Variants in ZNF318 observed in about 807,000 individuals in gnomAD.
The protein encoded by ZNF318 is endocrine regulator.
In ZNF318, 51 loss-of-function variants were observed where a neutral mutation model predicts 124.2. The ratio of observed to expected loss-of-function variants is 0.41; its 90% CI spans 0.33 to 0.52. The LOEUF (loss-of-function observed/expected upper bound fraction) is 0.52. Ranked by LOEUF, ZNF318 falls within the 20% of genes least tolerant of loss-of-function variation. The pLI is 0.23. For missense variants in ZNF318, 2,815 were observed against 2,811.2 expected, an observed-to-expected ratio of 1.00 and a Z score of -0.03; for synonymous variants, 1,090 against 1,040.7, an observed-to-expected ratio of 1.05 and a Z score of -0.91.
chr6:43,363,686 C>A, intron 2 of ZNF318: 1 of 551,972 alleles, frequency 1.8e-6, no homozygotes, highest in Non-Finnish European at 3.2e-6. Context: ...ATCAAGGAAT[C>A]TGAGATCACT....
intron 8 of ZNF318, among the ~76,000 whole-genome samples, chr6:43,341,886 C>A (rs1024348853): frequency 6.6e-6 from 1 of 152,126 alleles, no homozygotes; most frequent in Non-Finnish European, 1.5e-5. Context: ...CTATGTTTAA[C>A]ATCTGTGAAT....
chr6:43,356,603 C>T (rs1352356970), intron 3 of ZNF318, among the ~76,000 whole-genome samples: 1 of 152,134 alleles, frequency 6.6e-6, no homozygotes, highest in Admixed American at 6.5e-5. Context: ...GGTCTTTCCA[C>T]TAGTGGTCTG....
At position 43,339,813 on chromosome 6, in the gene ZNF318, A is replaced by T; in HGVS notation, c.4185T>A (p.Ser1395=). The T allele has an allele frequency of 1.2e-6, 2 of 1,614,152 alleles. No homozygotes were observed. The highest frequency in any genetic ancestry group is 1.7e-6 in the Non-Finnish European group (2 of 1,180,018). Residue 1395 remains serine (S), a synonymous_variant, in exon 10 of 10, where the codon TCT becomes TCA. Transcript: ENST00000361428. The surrounding 1 kb of genome is among the most constrained non-coding windows in gnomAD (Gnocchi z 4.2). ...CTGGAGGTAAGAGGAGATCAGCTGAAGACTCTTTAACCACTGGCAGAGGTT... is the reference window on the plus strand; with the variant it reads ...CTGGAGGTAAGAGGAGATCAGCTGATGACTCTTTAACCACTGGCAGAGGTT... The part of the protein sequence containing the change: ...TAKPLPVVKE[S]SADLLLPPDI...
chr6:43,359,690 CT>C (rs1341132024), intron 2 of ZNF318, among the ~76,000 whole-genome samples: 1 of 152,068 alleles, frequency 6.6e-6, no homozygotes, highest in Non-Finnish European at 1.5e-5. Flanking sequence ...AAAACATTGC[CT>C]TTTCTTATTC....
Position 43,340,912 on chromosome 6 carries a change from G to C in ZNF318, c.3377-4C>G. ...ATGGGAACCAGAAACTCAGAGCCTGGAAGAAGTAGAAAAAAGTCAAGGAAA... is the reference window on the plus strand; with the variant it reads ...ATGGGAACCAGAAACTCAGAGCCTGCAAGAAGTAGAAAAAAGTCAAGGAAA... On this transcript the variant is annotated splice_region_variant and splice_polypyrimidine_tract_variant and intron_variant, in intron 8 of 9. Transcript: ENST00000361428. 1 of 1,606,258 alleles carries C rather than the reference G, an allele frequency of 6.2e-7. No individual in the cohort carries two copies. Among genetic ancestry groups the C allele is most frequent in the Non-Finnish European group, 8.5e-7 (1 of 1,172,924 alleles).
At chr6:43,342,569 GC>G in intron 7 of ZNF318, 106 bp downstream of exon 7, 1 of 1,217,212 alleles carries the variant, frequency 8.2e-7, no homozygotes, top group Non-Finnish European at 1.2e-6. Flanking sequence ...TGGGGCTCCT[GC>G]CCATATGAGA....
Position 43,339,765 on chromosome 6 carries a change from T to A in ZNF318, c.4233A>T (p.Gly1411=). 1.2e-6 allele frequency: 2 copies of A among 1,614,108 alleles called. No individual in the cohort carries two copies. Among genetic ancestry groups the A allele is most frequent in the Non-Finnish European group, 1.7e-6 (2 of 1,180,012 alleles). Residue 1411 remains glycine, a synonymous_variant, in exon 10 of 10, where the codon GGA becomes GGT. Coordinates refer to ENST00000361428, the MANE Select transcript of ZNF318 (RefSeq NM_014345.3). This position sits in a 1 kb window ranked among gnomAD's most constrained non-coding sequence, Gnocchi z 4.2. ...ACCCTTTTAGAATCACCTCTTCCCCTCCAAATGCTTTGGAGATGATGTCTG... is the reference window on the plus strand; with the variant it reads ...ACCCTTTTAGAATCACCTCTTCCCCACCAAATGCTTTGGAGATGATGTCTG... ...LPPDIISKAF[G]GEEVILKGSP...
rs372980523 is a variant in ZNF318 at position 43,337,916 on chromosome 6, G to A, written c.6082C>T (p.Arg2028Trp). ...GDMPVDFCTT[R>W]VSPAHRSPTV... ...GGGGATCTATGTGCTGGGCTTACCC[G>A]AGTAGTGCAGAAATCAACAGGCATA... The change falls in exon 10 of 10, where the codon CGG becomes TGG. Residue 2028 changes from arginine to tryptophan, a missense_variant. Around this residue, in one of 4 missense-constraint regions of ZNF318, gnomAD observed 927 missense variants for 820.6 expected, o/e 1.13. Coordinates refer to ENST00000361428, the MANE Select transcript of ZNF318 (RefSeq NM_014345.3). The A allele has an allele frequency of 1.7e-5, 28 of 1,614,072 alleles. No individual in the cohort carries two copies. Among genetic ancestry groups the A allele is most frequent in the South Asian group, 8.8e-5 (8 of 91,078 alleles).
intron 2 of ZNF318, chr6:43,364,282 G>A: frequency 2.1e-6 from 1 of 483,548 alleles, no homozygotes; most frequent in Admixed American, 3.3e-5. Context: ...CTCCAGCTGT[G>A]GCTACAACAT....
chr6:43,339,111 T>C lies in ZNF318; in HGVS notation c.4887A>G (p.Gln1629=), dbSNP rs771071759. ...NSSASQEELH[Q]DEGLVAAPIV... Reference sequence around the variant, plus strand: ...TAGGAGCAGCGACCAAACCCTCATCTTGATGCAACTCCTCTTGGGATGCAC... The same window carrying C: ...TAGGAGCAGCGACCAAACCCTCATCCTGATGCAACTCCTCTTGGGATGCAC... Residue 1629 remains glutamine, a synonymous_variant, in exon 10 of 10, where the codon CAA becomes CAG. Coordinates refer to ENST00000361428, the MANE Select transcript of ZNF318 (RefSeq NM_014345.3). The surrounding 1 kb of genome is among the most constrained non-coding windows in gnomAD (Gnocchi z 4.2). 1.1e-5 allele frequency: 18 copies of C among 1,614,208 alleles called. No homozygotes were observed. The highest frequency in any genetic ancestry group is 1.5e-5 in the Non-Finnish European group (18 of 1,180,036).
At chr6:43,366,606 G>C (rs1203368779) in intron 1 of ZNF318, among the ~76,000 whole-genome samples, 1 of 152,088 alleles carries the variant, frequency 6.6e-6, no homozygotes, top group East Asian at 1.9e-4. Context: ...AGACCAGCCT[G>C]GGCAACATAG....
chr6:43,353,317 G>A (rs1162592918), intron 4 of ZNF318, among the ~76,000 whole-genome samples: 1 of 151,528 alleles, frequency 6.6e-6, no homozygotes, highest in Non-Finnish European at 1.5e-5. Context: ...CCCAATAATT[G>A]GCTAAAACTT....
chr6:43,352,184 C>CTGGGAGAAGAGT (rs1273410789), intron 5 of ZNF318, among the ~76,000 whole-genome samples, 193 bp downstream of exon 5: 1,142 of 60,364 alleles, frequency 0.019, 10 homozygotes, highest in African/African-American at 0.043. Flanking sequence ...TCATCATCAT[C>CTGGGAGAAGAGT]ACCACCACCA....
rs753045944 is a variant in ZNF318, at chr6:43,340,449, T to C, written c.3549A>G (p.Gln1183=). ...LYEERRNLDR[Q]AGLAVVLETE... is the part of the protein sequence containing the mutation. The stretch of plus-strand genomic sequence containing the variant: ...TCTCTAGGACCACAGCCAAGCCAGC[T>C]TGGCGGTCCAGATTCCGCCGCTCCT... Residue 1183 remains glutamine, a synonymous_variant, in exon 10 of 10, where the codon CAA becomes CAG. Transcript: ENST00000361428. 1.5e-5 allele frequency: 25 copies of C among 1,613,424 alleles called. No homozygotes were observed. Among genetic ancestry groups the C allele is most frequent in the South Asian group, 1.5e-4 (14 of 90,848 alleles).
At chr6:43,352,265 C>A (rs1365856890) in intron 5 of ZNF318, 112 bp downstream of exon 5, 12 of 450,318 alleles carry the variant, frequency 2.7e-5, no homozygotes, top group African/African-American at 1.1e-4. Context: ...TTAATTACGT[C>A]AAAAAAAAAT....
intron 2 of ZNF318, among the ~76,000 whole-genome samples, chr6:43,365,018 T>C (rs551339273): frequency 5.9e-5 from 9 of 152,368 alleles, no homozygotes; most frequent in East Asian, 1.9e-4. Context: ...TGGGGGACTC[T>C]GATTATGTCC....
At chr6:43,366,477 G>C (rs536481218) in intron 1 of ZNF318, among the ~76,000 whole-genome samples, 226 of 152,152 alleles carry the variant, frequency 1.5e-3, no homozygotes, top group Middle Eastern at 3.4e-3. Flanking sequence ...CTTCCCAGGA[G>C]GCCTTCCCTG....
chr6:43,348,106 A>G (rs1198725357), intron 6 of ZNF318, among the ~76,000 whole-genome samples: 1 of 152,236 alleles, frequency 6.6e-6, no homozygotes, highest in Non-Finnish European at 1.5e-5. Flanking sequence ...GAACAAGAAC[A>G]TAGAAGGTTC....
chr6:43,353,226 C>G (rs1278709783), intron 4 of ZNF318, among the ~76,000 whole-genome samples: 1 of 152,144 alleles, frequency 6.6e-6, no homozygotes, highest in African/African-American at 2.4e-5. Flanking sequence ...TTCCCTTTCC[C>G]AAAAGACTTC....
Sources: allele counts gnomAD v4.1 joint callset (sites outside exome capture counted in the v4.1 genomes callset), GRCh38; gene constraint gnomAD v4.1.1; regional missense constraint gnomAD v4.1.1; non-coding constraint Gnocchi (gnomAD v3.1); transcripts MANE v1.5; gene names NCBI Gene and HGNC (gene_info 2026-07-23, HGNC 2026-07-21).